SLC8A1: variants seen among roughly 807,000 people sequenced by gnomAD.
The protein encoded by SLC8A1 is solute carrier family 8 member A1, also known as sodium/calcium exchanger 1.
In SLC8A1, 18 loss-of-function variants were observed where a neutral mutation model predicts 68.3. The observed-to-expected ratio is 0.26, with a 90% CI of 0.18 to 0.39. SLC8A1 has a LOEUF of 0.39. SLC8A1 is among the 10% of genes least tolerant of loss of function. The pLI is 1.00. For missense variants in SLC8A1, 985 were observed against 1,156.7 expected (o/e 0.85, Z 2.15); for synonymous variants, 475 against 415.5 (o/e 1.14, Z -1.74).
chr2:40,474,973 A>C (rs1317376743), intron 1 of SLC8A1, among the ~76,000 whole-genome samples: 1 of 152,216 alleles, frequency 6.6e-6, no homozygotes, highest in East Asian at 1.9e-4. Context: ...CCTGGTAAAG[A>C]TATATAACTA....
At chr2:40,194,078 T>C (rs754368683) in intron 2 of SLC8A1, among the ~76,000 whole-genome samples, 1 of 152,124 alleles carries the variant, frequency 6.6e-6, no homozygotes, top group South Asian at 2.1e-4. Flanking sequence ...ATACGAATTC[T>C]GCTAGAGAAA....
Position 40,428,735 on chromosome 2 carries a change from A to T in SLC8A1, c.1546T>A (p.Ser516Thr), listed in dbSNP as rs139164260. 1,287 of 1,613,892 alleles carry T rather than the reference A, an allele frequency of 8.0e-4. 2 individuals are homozygous for T. The highest frequency in any genetic ancestry group is 1.1e-3 in the Non-Finnish European group (1,239 of 1,179,910). Reference sequence around the variant, plus strand: ...GGAGATCCGAGGCAAGCAAGTGTAGAAACATGATTGGCTTCCAGTATGCCA... The same window carrying T: ...GGAGATCCGAGGCAAGCAAGTGTAGTAACATGATTGGCTTCCAGTATGCCA... Residue 516 changes from serine to threonine, a missense_variant, in exon 2 of 8, where the codon TCT (serine) becomes ACT (threonine). Coordinates refer to ENST00000406785, the Ensembl canonical transcript of SLC8A1.
intron 2 of SLC8A1, among the ~76,000 whole-genome samples, chr2:40,186,625 A>G (rs988316010): frequency 6.6e-6 from 1 of 152,212 alleles, no homozygotes; most frequent in African/African-American, 2.4e-5. Context: ...TCATAAAAAC[A>G]GGACTGAATC....
At chr2:40,236,130 G>A (rs1007920546) in intron 2 of SLC8A1, among the ~76,000 whole-genome samples, 1 of 152,012 alleles carries the variant, frequency 6.6e-6, no homozygotes, top group African/African-American at 2.4e-5. Flanking sequence ...TTGGTGCAGA[G>A]CTGAGTTCAA....
intron 1 of SLC8A1, among the ~76,000 whole-genome samples, chr2:40,480,781 G>A (rs180697404): frequency 2.0e-4 from 30 of 152,204 alleles, no homozygotes; most frequent in South Asian, 1.0e-3. Flanking sequence ...GAATGAATGA[G>A]CTCACTAATC....
chr2:40,480,797 C>T (rs1314532379), intron 1 of SLC8A1, among the ~76,000 whole-genome samples: 1 of 152,094 alleles, frequency 6.6e-6, no homozygotes, highest in Non-Finnish European at 1.5e-5. Context: ...TAATCTGCTA[C>T]AAGATGAAGA....
chr2:40,282,700 A>C (rs116296954), intron 2 of SLC8A1, among the ~76,000 whole-genome samples: 1 of 152,150 alleles, frequency 6.6e-6, no homozygotes, highest in African/African-American at 2.4e-5. Context: ...TCTTGCAGGA[A>C]ATAATTGCCA....
intron 2 of SLC8A1, among the ~76,000 whole-genome samples, chr2:40,307,352 G>C (rs2072847344): frequency 6.6e-6 from 1 of 152,244 alleles, no homozygotes; most frequent in South Asian, 2.1e-4. Flanking sequence ...AAAATTAATA[G>C]AAAGCAAAAT....
intron 4 of SLC8A1, chr2:40,174,706 C>T (rs1484843740): frequency 6.6e-7 from 1 of 1,526,566 alleles, no homozygotes; most frequent in Admixed American, 1.8e-5. Flanking sequence ...TAAGTCTTAC[C>T]AAACAGGTAT....
At chr2:40,213,235 A>C (rs1181927585) in intron 2 of SLC8A1, 1 of 152,146 alleles carries the variant, frequency 6.6e-6, no homozygotes, top group Non-Finnish European at 1.5e-5. Flanking sequence ...TCACCGAGTG[A>C]CCCAGGAATG....
At chr2:40,354,919 C>G (rs535727884) in intron 2 of SLC8A1, among the ~76,000 whole-genome samples, 1 of 152,186 alleles carries the variant, frequency 6.6e-6, no homozygotes, top group East Asian at 1.9e-4. Context: ...CCCTGGAAAA[C>G]TTTAAGATGA....
At chr2:40,396,748 T>TA (rs368483768) in intron 2 of SLC8A1, among the ~76,000 whole-genome samples, 1,294 of 86,738 alleles carry the variant, frequency 0.015, 40 homozygotes, top group African/African-American at 0.018. Context: ...CTCTAATAAC[T>TA]AAAAAAAAAA....
chr2:40,493,810 A>G (rs529840156), intron 1 of SLC8A1, among the ~76,000 whole-genome samples: 86 of 152,066 alleles, frequency 5.7e-4, no homozygotes, highest in Non-Finnish European at 1.0e-3. Flanking sequence ...GTGTGCCACC[A>G]TCTATGTCTA....
chr2:40,192,613 A>C (rs1168309776), intron 2 of SLC8A1, among the ~76,000 whole-genome samples: 1 of 152,098 alleles, frequency 6.6e-6, no homozygotes, highest in Non-Finnish European at 1.5e-5. Context: ...AATAAATCCT[A>C]TTCAATAAAA....
chr2:40,273,093 C>T (rs2149144854), intron 2 of SLC8A1, among the ~76,000 whole-genome samples: 1 of 152,218 alleles, frequency 6.6e-6, no homozygotes, highest in South Asian at 2.1e-4. Context: ...CAGGCGCGCG[C>T]CACCAAGTCC....
intron 2 of SLC8A1, among the ~76,000 whole-genome samples, chr2:40,385,505 T>C (rs1683275808): frequency 1.6e-5 from 1 of 62,814 alleles, no homozygotes; most frequent in South Asian, 3.4e-4. Flanking sequence ...GGTGAGGAGA[T>C]TTATAATAAA....
At chr2:40,429,279 C>T (rs768516739) in exon 2 of SLC8A1, 2 of 1,613,918 alleles carry the variant, frequency 1.2e-6, no homozygotes, top group Non-Finnish European at 1.7e-6. Context: ...GATGCTTCTG[C>T]TTAAGTTCCT....
intron 3 of SLC8A1, among the ~76,000 whole-genome samples, chr2:40,177,374 A>G (rs1475238437): frequency 6.6e-6 from 1 of 152,210 alleles, no homozygotes; most frequent in Non-Finnish European, 1.5e-5. Flanking sequence ...TTGAGGTATG[A>G]TTGATGAGGT....
At chr2:40,156,536 T>C (rs964742112) in intron 6 of SLC8A1, among the ~76,000 whole-genome samples, 2 of 152,082 alleles carry the variant, frequency 1.3e-5, no homozygotes, top group African/African-American at 4.8e-5. Context: ...CTTCAAAGAA[T>C]GTCACAAATT....
Sources: gnomAD v4.1 joint callset for allele counts (sites outside exome capture counted in the v4.1 genomes callset) on GRCh38, gnomAD v4.1.1 for gene constraint, MANE v1.5 for transcripts, NCBI Gene and HGNC (gene_info 2026-07-23, HGNC 2026-07-21) for gene names.